Variants in NCKAP1 observed in about 807,000 individuals in gnomAD.
NCKAP1 encodes NCK associated protein 1.
In NCKAP1, 21 loss-of-function variants were observed where a neutral mutation model predicts 151.2. That is an observed-to-expected ratio of 0.14 (90% confidence interval 0.10 to 0.20). NCKAP1 has a LOEUF of 0.20. Ranked by LOEUF, NCKAP1 falls within the 10% of genes least tolerant of loss-of-function variation. The pLI is 1.00. For missense variants in NCKAP1, 933 were observed against 1,352.1 expected, an observed-to-expected ratio of 0.69 and a Z score of 4.86; for synonymous variants, 484 against 451.8, an observed-to-expected ratio of 1.07 and a Z score of -0.90.
chr2:182,940,905 TC>T (rs1371680925), intron 24 of NCKAP1, among the ~76,000 whole-genome samples: 3 of 152,248 alleles, frequency 2.0e-5, no homozygotes, highest in Admixed American at 6.5e-5. Context: ...CACAGATCTG[TC>T]CTATAAGGTA....
At chr2:182,962,643 T>C (rs544513647) in intron 17 of NCKAP1, among the ~76,000 whole-genome samples, 1 of 152,168 alleles carries the variant, frequency 6.6e-6, no homozygotes, top group Non-Finnish European at 1.5e-5. Context: ...TTTAGAGTAC[T>C]GTTTCCAATC....
At chr2:182,979,066 A>G (rs1334989667) in intron 13 of NCKAP1, 151 bp from the exon 14 acceptor site, 5 of 444,956 alleles carry the variant, frequency 1.1e-5, no homozygotes, top group Non-Finnish European at 2.0e-5. Context: ...AACACACACC[A>G]TAACACGAAT....
rs151242857 is a variant in NCKAP1 at position 182,926,350 on chromosome 2, G to A, written c.3270+466C>T. On this transcript the variant is annotated intron_variant, in intron 30 of 30. Transcript: ENST00000361354. Reference sequence around the variant, plus strand: ...CATTAGGATAAATCCAATTTCTGCAGGTAAGGAAAATAACTCTAAGTGGGG... The same window carrying A: ...CATTAGGATAAATCCAATTTCTGCAAGTAAGGAAAATAACTCTAAGTGGGG... Among the ~76,000 whole-genome samples, 1,435 of 152,102 alleles carry A rather than the reference G, an allele frequency of 9.4e-3. 23 individuals carry two copies. Among genetic ancestry groups the A allele is most frequent in the African/African-American group, 0.033 (1,369 of 41,540 alleles).
chr2:182,941,615 T>C (rs1359633613), intron 24 of NCKAP1, among the ~76,000 whole-genome samples: 3 of 152,226 alleles, frequency 2.0e-5, no homozygotes, highest in Non-Finnish European at 4.4e-5. Flanking sequence ...AACTGTTCTA[T>C]ATCTAGACTG....
intron 13 of NCKAP1, among the ~76,000 whole-genome samples, 171 bp downstream of exon 13, chr2:182,981,073 T>C (rs778002862): frequency 2.6e-5 from 4 of 152,228 alleles, no homozygotes; most frequent in African/African-American, 7.2e-5. Flanking sequence ...ACCTATCACA[T>C]TGGACTACAA....
chr2:183,023,374 GA>G (rs1423387595), intron 2 of NCKAP1, among the ~76,000 whole-genome samples: 10 of 152,150 alleles, frequency 6.6e-5, no homozygotes, highest in African/African-American at 2.4e-4. Context: ...TGTCAATTAT[GA>G]AAATACTAGA....
At chr2:182,987,915 G>A (rs993464285) in intron 9 of NCKAP1, among the ~76,000 whole-genome samples, 13 of 152,024 alleles carry the variant, frequency 8.6e-5, no homozygotes, top group African/African-American at 2.7e-4. Flanking sequence ...TGGCAGTACC[G>A]ACCAGAAAGA....
At position 183,002,244 on chromosome 2, in the gene NCKAP1, T is replaced by C; in HGVS notation, c.395A>G (p.Asn132Ser). 1 of 1,550,868 alleles carries C rather than the reference T, an allele frequency of 6.4e-7. No homozygotes were observed. ...DITVNFDLTK[N>S]YLDLIITYTT... is the part of the protein sequence containing the mutation. ...ATAGGTTATAATTAAATCTAAGTAG[T>C]TCTTTGTTAAATCAAAGTTTACAGT... The change falls in exon 5 of 31, where the codon AAC becomes AGC. Residue 132 changes from asparagine (N) to serine (S), a missense_variant. Asn to Ser is a conservative substitution (Grantham distance 46). Around this residue, in one of 2 missense-constraint regions of NCKAP1, gnomAD observed 607 missense variants for 795.0 expected, o/e 0.76. Transcript: ENST00000361354.
At chr2:183,034,769 T>C (rs1559114570) in intron 1 of NCKAP1, among the ~76,000 whole-genome samples, 2 of 152,142 alleles carry the variant, frequency 1.3e-5, no homozygotes, top group African/African-American at 2.4e-5. Flanking sequence ...CTGAGTTCAG[T>C]TATTGTTTAA....
At chr2:183,032,501 C>T (rs531568307) in intron 1 of NCKAP1, among the ~76,000 whole-genome samples, 44 of 152,224 alleles carry the variant, frequency 2.9e-4, no homozygotes, top group African/African-American at 1.0e-3. Flanking sequence ...ATGCTACAAA[C>T]CCGTACAATG....
At chr2:183,025,064 G>C in intron 1 of NCKAP1, 1 of 1,474,516 alleles carries the variant, frequency 6.8e-7, no homozygotes, top group Non-Finnish European at 9.4e-7. Context: ...TATGATATAC[G>C]TTTCAGAAGA....
At chr2:182,944,744 A>C (rs2105814193) in intron 23 of NCKAP1, among the ~76,000 whole-genome samples, 1 of 152,350 alleles carries the variant, frequency 6.6e-6, no homozygotes, top group East Asian at 1.9e-4. Flanking sequence ...AAAAAGAAAA[A>C]GATTGAATCA....
intron 9 of NCKAP1, 122 bp from the exon 10 acceptor site, chr2:182,986,349 T>A: frequency 1.4e-6 from 1 of 714,450 alleles, no homozygotes; most frequent in Non-Finnish European, 2.3e-6. Flanking sequence ...GCCATCAAAC[T>A]GGAAGTGCAT....
chr2:182,950,926 G>A (rs1314638433), intron 23 of NCKAP1, among the ~76,000 whole-genome samples: 5 of 151,896 alleles, frequency 3.3e-5, no homozygotes, highest in Admixed American at 2.6e-4. Flanking sequence ...TCCGCCTCCC[G>A]GGTTCAAGTG....
chr2:182,939,710 G>A (rs1696956264), intron 24 of NCKAP1, among the ~76,000 whole-genome samples: 1 of 151,994 alleles, frequency 6.6e-6, no homozygotes, highest in Non-Finnish European at 1.5e-5. Flanking sequence ...GACATGGGGA[G>A]AAGGAAGCAC....
chr2:182,937,477 A>G (rs535347847), intron 24 of NCKAP1, among the ~76,000 whole-genome samples: 1 of 152,308 alleles, frequency 6.6e-6, no homozygotes, highest in South Asian at 2.1e-4. Flanking sequence ...TGGGGGACAG[A>G]GAGGGAGGTA....
chr2:182,930,506 T>G (rs2105799960), intron 27 of NCKAP1, among the ~76,000 whole-genome samples, 189 bp downstream of exon 27: 1 of 152,178 alleles, frequency 6.6e-6, no homozygotes, highest in South Asian at 2.1e-4. Context: ...TCAACCAATC[T>G]TAAGTTCCAG....
At chr2:182,962,326 G>A (rs947099715) in intron 17 of NCKAP1, 48 bp from the exon 18 acceptor site, 22 of 1,496,696 alleles carry the variant, frequency 1.5e-5, no homozygotes, top group East Asian at 7.3e-5. Context: ...AAGAAAGTAC[G>A]TTGAATTAAA....
At chr2:182,963,453 G>C (rs1452494475) in intron 17 of NCKAP1, among the ~76,000 whole-genome samples, 1 of 152,062 alleles carries the variant, frequency 6.6e-6, no homozygotes, top group Admixed American at 6.6e-5. Flanking sequence ...GAAAAACTAA[G>C]GTTTAACATG....
Sources: gnomAD v4.1 joint callset for allele counts (sites outside exome capture counted in the v4.1 genomes callset) on GRCh38, gnomAD v4.1.1 for gene constraint, gnomAD v4.1.1 regional missense constraint, MANE v1.5 for transcripts, NCBI Gene and HGNC (gene_info 2026-07-23, HGNC 2026-07-21) for gene names.